The following STK17B variants were observed in gnomAD, a reference collection of about 807,000 sequenced individuals.
STK17B encodes serine/threonine kinase 17b.
In STK17B, 21 loss-of-function variants were observed where a neutral mutation model predicts 42.0. That is an observed-to-expected ratio of 0.50 (90% CI 0.35 to 0.72). The LOEUF is 0.72. Among genes scored for constraint, STK17B ranks in the 30% least tolerant of loss-of-function variants. The pLI is 0.00. For synonymous variants in STK17B, 143 were observed against 148.4 expected, an observed-to-expected ratio of 0.96 and a Z score of 0.26; for missense variants, 349 against 446.0, an observed-to-expected ratio of 0.78 and a Z score of 1.96.
At chr2:196,156,967 C>A (rs941148431) in intron 2 of STK17B, among the ~76,000 whole-genome samples, 8 of 152,116 alleles carry the variant, frequency 5.3e-5, no homozygotes, top group Non-Finnish European at 1.2e-4. Flanking sequence ...GAGCTCAAGA[C>A]CAGCCTGGCC....
chr2:196,147,158 T>C (rs572431153), intron 3 of STK17B, among the ~76,000 whole-genome samples: 7 of 152,306 alleles, frequency 4.6e-5, no homozygotes, highest in East Asian at 1.9e-4. Flanking sequence ...TGCAAAAACA[T>C]TTATACAGTT....
upstream of STK17B, among the ~76,000 whole-genome samples, chr2:196,171,981 ACTAGTTACCAAACTT>A (rs1699954416): frequency 6.6e-6 from 1 of 152,328 alleles, no homozygotes; most frequent in African/African-American, 2.4e-5. Context: ...GCTGCCTGCG[ACTAGTTACCAAACTT>A]CAGTGCCTAC....
chr2:196,148,896 T>A (rs1180278477), intron 3 of STK17B, among the ~76,000 whole-genome samples: 1 of 152,184 alleles, frequency 6.6e-6, no homozygotes, highest in Non-Finnish European at 1.5e-5. Flanking sequence ...ATGGTGCATA[T>A]AGGAGTGCTT....
At chr2:196,163,457 G>A in intron 1 of STK17B, 30 bp from the exon 2 acceptor site, 1 of 1,483,596 alleles carries the variant, frequency 6.7e-7, no homozygotes, top group Non-Finnish European at 8.9e-7. Flanking sequence ...ACAGAGAAAA[G>A]ATGTTATCTC....
In STK17B at chr2:196,135,991, T is replaced by C. The variant is rs1699398444; in HGVS notation, c.*1456A>G. 2 of 152,164 alleles carry C rather than the reference T, an allele frequency of 1.3e-5. 1 individual carries two copies. The highest frequency in any genetic ancestry group is 4.1e-4 in the South Asian group (2 of 4,830). 9.4% of individuals were successfully genotyped at this position (152,164 alleles called of 1,614,324 possible). ...GAAGACATTAAAGGAATTCACCATG[T>C]GGTCAAATAAAGTGACCTGATAGTT... On this transcript the variant is annotated 3_prime_UTR_variant, in exon 8 of 8. Transcript: ENST00000263955.
chr2:196,146,685 A>G (rs151275468), intron 3 of STK17B, among the ~76,000 whole-genome samples: 264 of 152,244 alleles, frequency 1.7e-3, no homozygotes, highest in African/African-American at 5.9e-3. Context: ...GTACATCTAT[A>G]TGTATTCATA....
rs1040242957 is a variant in STK17B, at chr2:196,135,850, GAA to G, written c.*1595_*1596del. 2.8e-5 allele frequency: 4 copies of G among 143,808 alleles called. No homozygotes were observed. The highest frequency in any genetic ancestry group is 1.4e-4 in the Admixed American group (2 of 14,330). The allele number at this position is 143,808 out of a possible 1,614,324, so 8.9% of individuals were successfully genotyped here. A position where few individuals can be genotyped will look rare whatever the true frequency, so the allele number is the denominator to read the frequency against. ...ACAATATACCACAGCAAAGAATCTT[GAA>G]AAGTGTCTAAAGAATGTATTGTATC... On this transcript the variant is annotated 3_prime_UTR_variant, in exon 8 of 8. Transcript: ENST00000263955.
intron 2 of STK17B, among the ~76,000 whole-genome samples, chr2:196,161,749 C>T (rs1318321004): frequency 6.6e-6 from 1 of 151,826 alleles, no homozygotes; most frequent in Non-Finnish European, 1.5e-5. Context: ...AACTCCTGAC[C>T]TCGTGACCCA....
At position 196,168,994 on chromosome 2, in the gene STK17B, T is replaced by C. The variant is rs577424974; in HGVS notation, c.-45+2339A>G. Among the ~76,000 whole-genome samples, 6 of 151,798 alleles carry C rather than the reference T, an allele frequency of 4.0e-5. No homozygotes were observed. The South Asian group carries it at 1.2e-3, about 32-fold the overall frequency. ...ATGTTTCTGACAAAACAAATACCCA[T>C]ACAGTGCAGAAGATTTCTTTATGAA... On this transcript the variant is annotated intron_variant, in intron 1 of 7. Coordinates refer to ENST00000263955, the MANE Select transcript of STK17B (RefSeq NM_004226.4).
intron 1 of STK17B, chr2:196,165,665 T>C (rs1169780292): frequency 1.3e-5 from 2 of 152,194 alleles, no homozygotes; most frequent in Non-Finnish European, 2.9e-5. Flanking sequence ...GCATTCCCTT[T>C]TACTGGTGAA....
chr2:196,166,857 A>C (rs1334502054), intron 1 of STK17B, among the ~76,000 whole-genome samples: 8 of 152,326 alleles, frequency 5.3e-5, no homozygotes, highest in Admixed American at 3.3e-4. Flanking sequence ...ATTATCAAAT[A>C]AGAAAGTTTT....
intron 3 of STK17B, 134 bp downstream of exon 3, chr2:196,156,300 GAATAT>G (rs1699736989): frequency 1.4e-6 from 1 of 730,678 alleles, no homozygotes; most frequent in Non-Finnish European, 2.2e-6. Flanking sequence ...GAAAATATCT[GAATAT>G]AAATTAGGTC....
chr2:196,171,698 C>A (rs1274614275), upstream of STK17B: 7 of 144,476 alleles, frequency 4.8e-5, no homozygotes, highest in African/African-American at 1.5e-4. Flanking sequence ...GGCGGGGCAC[C>A]GGCCGGGGGC....
chr2:196,170,447 T>C (rs114274686), intron 1 of STK17B, among the ~76,000 whole-genome samples: 2,345 of 152,326 alleles, frequency 0.015, 58 homozygotes, highest in African/African-American at 0.053. Flanking sequence ...CTGATAAGTA[T>C]TACGATTTTA....
chr2:196,156,687 C>G, intron 2 of STK17B, 36 bp from the exon 3 acceptor site: 1 of 1,527,198 alleles, frequency 6.5e-7, no homozygotes, highest in Non-Finnish European at 9.0e-7. Context: ...TTTAATTTTT[C>G]TGCAGAGAAC....
At chr2:196,175,263 G>A (rs140564672), upstream of STK17B, among the ~76,000 whole-genome samples, 53 of 152,210 alleles carry the variant, frequency 3.5e-4, no homozygotes, top group East Asian at 0.01. Flanking sequence ...CACTTGATCT[G>A]TATTTAGATT....
chr2:196,140,546 A>G (rs769540562), intron 6 of STK17B, among the ~76,000 whole-genome samples: 3 of 145,616 alleles, frequency 2.1e-5, no homozygotes, highest in Non-Finnish European at 4.5e-5. Context: ...GCCTGACCTA[A>G]TTATTCTGCT....
intron 3 of STK17B, among the ~76,000 whole-genome samples, chr2:196,155,402 C>A (rs963844761): frequency 6.6e-6 from 1 of 152,092 alleles, no homozygotes; most frequent in African/African-American, 2.4e-5. Context: ...TTTGCAAAAT[C>A]TTCATTTTCA....
chr2:196,167,102 T>C (rs556515892), intron 1 of STK17B, among the ~76,000 whole-genome samples: 1 of 152,230 alleles, frequency 6.6e-6, no homozygotes, highest in Non-Finnish European at 1.5e-5. Context: ...TTTCCTTAAA[T>C]GGCTAACTCT....
Sources: allele counts gnomAD v4.1 joint callset (sites outside exome capture counted in the v4.1 genomes callset), GRCh38; gene constraint gnomAD v4.1.1; transcripts MANE v1.5; gene names NCBI Gene and HGNC (gene_info 2026-07-23, HGNC 2026-07-21).